CPHXL2: variants seen among roughly 807,000 people sequenced by gnomAD.
CPHXL2 encodes cytoplasmic polyadenylated homeobox-like protein 2.
the CPHXL2 span, among the ~76,000 whole-genome samples, chr16:75,664,794 T>TGG: frequency 1.3e-5 from 2 of 152,072 alleles, no homozygotes; most frequent in Non-Finnish European, 2.9e-5. Flanking sequence ...TGGGTTATCA[T>TGG]GGGAGTGGTA....
At chr16:75,665,179 T>G in the CPHXL2 span, among the ~76,000 whole-genome samples, 1 of 152,152 alleles carries the variant, frequency 6.6e-6, no homozygotes, top group African/African-American at 2.4e-5. Flanking sequence ...AGGCACATTG[T>G]CATCAAGTTC....
At chr16:75,661,027 C>G in the CPHXL2 span, 2 of 400,476 alleles carry the variant, frequency 5.0e-6, no homozygotes, top group Non-Finnish European at 8.8e-6. Flanking sequence ...TGTTGACAGG[C>G]AATCCTCTGT....
the CPHXL2 span, among the ~76,000 whole-genome samples, chr16:75,666,313 G>T: frequency 6.6e-6 from 1 of 152,100 alleles, no homozygotes. Context: ...AAATGGGATA[G>T]ACAGCAATAC....
the CPHXL2 span, among the ~76,000 whole-genome samples, chr16:75,675,265 C>A: frequency 2.0e-5 from 3 of 151,130 alleles, no homozygotes; most frequent in East Asian, 3.9e-4. Flanking sequence ...CGTGATCTGC[C>A]CGACTTGGCC....
chr16:75,673,075 CAAAA>C, the CPHXL2 span, among the ~76,000 whole-genome samples: 2 of 73,180 alleles, frequency 2.7e-5, no homozygotes, highest in East Asian at 3.8e-4. Flanking sequence ...GACCTTGTCT[CAAAA>C]AAAAAAAAAA....
At chr16:75,667,290 C>T in the CPHXL2 span, among the ~76,000 whole-genome samples, 52 of 135,812 alleles carry the variant, frequency 3.8e-4, no homozygotes, top group South Asian at 1.3e-3. Flanking sequence ...CCAGCCTGGG[C>T]GACAGAGGGA....
At chr16:75,670,420 G>A in the CPHXL2 span, among the ~76,000 whole-genome samples, 1 of 152,194 alleles carries the variant, frequency 6.6e-6, no homozygotes, top group East Asian at 1.9e-4. Context: ...TGAGTTCCAT[G>A]AGTGTAGCTG....
chr16:75,674,912 C>T, the CPHXL2 span, among the ~76,000 whole-genome samples: 4 of 151,538 alleles, frequency 2.6e-5, no homozygotes, highest in Admixed American at 6.6e-5. Flanking sequence ...GTTTCACCAC[C>T]GGGTGCGGTG....
the CPHXL2 span, among the ~76,000 whole-genome samples, chr16:75,666,932 C>T: frequency 4.1e-3 from 621 of 152,254 alleles, 5 homozygotes; most frequent in African/African-American, 0.014. Flanking sequence ...AAGGAACCTT[C>T]AAAACCATGC....
the CPHXL2 span, chr16:75,660,269 A>C: frequency 1.2e-4 from 48 of 398,272 alleles, no homozygotes; most frequent in African/African-American, 9.9e-4. Flanking sequence ...AATACTTTGC[A>C]AAGCTGCATC....
chr16:75,670,957 G>T, the CPHXL2 span, among the ~76,000 whole-genome samples: 1 of 152,010 alleles, frequency 6.6e-6, no homozygotes. Context: ...CTCCACTCGG[G>T]CTATTCTCTC....
At chr16:75,672,887 T>TA in the CPHXL2 span, among the ~76,000 whole-genome samples, 3 of 151,236 alleles carry the variant, frequency 2.0e-5, no homozygotes, top group Non-Finnish European at 4.4e-5. Flanking sequence ...ACCTCAGTTT[T>TA]AAAAAACAAA....
the CPHXL2 span, chr16:75,660,783 C>A: frequency 2.5e-6 from 1 of 398,658 alleles, no homozygotes; most frequent in Non-Finnish European, 4.4e-6. Flanking sequence ...AGGATGAAGG[C>A]ATTCTGCAGA....
At chr16:75,663,716 T>A in the CPHXL2 span, among the ~76,000 whole-genome samples, 1 of 151,612 alleles carries the variant, frequency 6.6e-6, no homozygotes, top group African/African-American at 2.4e-5. Context: ...ACCCTGTCTC[T>A]ACTAAAAAAA....
chr16:75,663,667 A>G, the CPHXL2 span, among the ~76,000 whole-genome samples: 1 of 152,002 alleles, frequency 6.6e-6, no homozygotes, highest in Non-Finnish European at 1.5e-5. Flanking sequence ...GTGGATCACG[A>G]GGTCAGGAGA....
At chr16:75,661,411 C>T in the CPHXL2 span, among the ~76,000 whole-genome samples, 3 of 152,164 alleles carry the variant, frequency 2.0e-5, no homozygotes, top group Admixed American at 2.0e-4. Flanking sequence ...GACAATCTCC[C>T]TAGAACTGCA....
the CPHXL2 span, chr16:75,661,219 G>A: frequency 5.0e-6 from 2 of 400,686 alleles, no homozygotes; most frequent in African/African-American, 4.1e-5. Flanking sequence ...TCTTCCGGTG[G>A]AAGTCTGGCT....
chr16:75,676,128 G>A, the CPHXL2 span, among the ~76,000 whole-genome samples: 1 of 151,948 alleles, frequency 6.6e-6, no homozygotes, highest in East Asian at 1.9e-4. Flanking sequence ...TACGTTACAC[G>A]TGACCTTCTC....
chr16:75,667,267 A>C, the CPHXL2 span, among the ~76,000 whole-genome samples: 1 of 150,282 alleles, frequency 6.7e-6, no homozygotes, highest in South Asian at 2.1e-4. Context: ...AGCTGAGGTC[A>C]TGCCACTGTA....
Sources: gnomAD v4.1 joint callset for allele counts (sites outside exome capture counted in the v4.1 genomes callset) on GRCh38, gnomAD v4.1.1 for gene constraint, MANE v1.5 for transcripts, NCBI Gene and HGNC (gene_info 2026-07-23, HGNC 2026-07-21) for gene names.